Variants in BMP7 observed in about 807,000 individuals in gnomAD.
BMP7 encodes the protein bone morphogenetic protein 7.
A neutral mutation model predicts 41.2 loss-of-function variants in BMP7; 12 were observed. The ratio of observed to expected loss-of-function variants is 0.29; its 90% CI spans 0.19 to 0.47. The LOEUF is 0.47. Ranked by LOEUF, BMP7 falls within the 20% of genes least tolerant of loss-of-function variation. The pLI, the probability that BMP7 is intolerant of heterozygous loss-of-function variation, is 0.99. For synonymous variants in BMP7, 248 were observed against 250.0 expected (o/e 0.99, Z 0.07); for missense variants, 467 against 606.0 (o/e 0.77, Z 2.41).
chr20:57,264,354 C>T (rs1202526273), intron 1 of BMP7, among the ~76,000 whole-genome samples: 1 of 152,194 alleles, frequency 6.6e-6, no homozygotes, highest in Non-Finnish European at 1.5e-5. Flanking sequence ...TGACTTGGTT[C>T]GGGTTTTCGC....
chr20:57,176,202 A>G (rs1568702583), intron 4 of BMP7, among the ~76,000 whole-genome samples: 2 of 152,186 alleles, frequency 1.3e-5, no homozygotes, highest in African/African-American at 4.8e-5. Context: ...GCAAAAAATA[A>G]TGAAGCCCCC....
chr20:57,192,232 A>T (rs1319673124), intron 3 of BMP7, among the ~76,000 whole-genome samples: 1 of 127,286 alleles, frequency 7.9e-6, no homozygotes, highest in Non-Finnish European at 1.6e-5. Flanking sequence ...ATTATATTAT[A>T]TAATAGTATA....
At chr20:57,206,063 A>C (rs574584411) in intron 2 of BMP7, among the ~76,000 whole-genome samples, 1 of 152,326 alleles carries the variant, frequency 6.6e-6, no homozygotes, top group South Asian at 2.1e-4. Flanking sequence ...GTCCAGTCTG[A>C]CAGCTCGGAG....
intron 1 of BMP7, among the ~76,000 whole-genome samples, chr20:57,229,673 G>C (rs1195457189): frequency 6.6e-6 from 1 of 152,194 alleles, no homozygotes; most frequent in Non-Finnish European, 1.5e-5. Context: ...CCTGTCTGGG[G>C]GTGGGGAACT....
chr20:57,238,457 G>A (rs1478092798), intron 1 of BMP7, among the ~76,000 whole-genome samples: 1 of 152,120 alleles, frequency 6.6e-6, no homozygotes, highest in Non-Finnish European at 1.5e-5. Flanking sequence ...AAATCTTTCA[G>A]GGACATACCC....
At chr20:57,223,936 G>A (rs78445648) in intron 2 of BMP7, among the ~76,000 whole-genome samples, 1,859 of 152,306 alleles carry the variant, frequency 0.012, 18 homozygotes, top group African/African-American at 0.022. Context: ...CCCACTGCCC[G>A]AGGGCCGCCC....
intron 2 of BMP7, among the ~76,000 whole-genome samples, chr20:57,210,765 G>T (rs1984860562): frequency 6.6e-6 from 1 of 152,252 alleles, no homozygotes; most frequent in African/African-American, 2.4e-5. Context: ...CACCATCGGG[G>T]CTCCTTCAGC....
rs1984982693 is a variant in BMP7, at chr20:57,215,163, A to G, written c.612-12540T>C. The stretch of plus-strand genomic sequence containing the variant: ...TCCTAGTTGAAGGGAAACCCTCATC[A>G]GCCCCTGGGCACCTCCATACCCCCC... On this transcript the variant is annotated intron_variant, in intron 2 of 6. Transcript: ENST00000395863. The surrounding 1 kb of genome is among the most constrained non-coding windows in gnomAD (Gnocchi z 4.2). Among the ~76,000 whole-genome samples the G allele has an allele frequency of 6.6e-6, 1 of 152,102 alleles. No individual in the cohort carries two copies. Among genetic ancestry groups the G allele is most frequent in the Non-Finnish European group, 1.5e-5 (1 of 68,012 alleles).
chr20:57,256,156 A>G (rs572038198), intron 1 of BMP7, among the ~76,000 whole-genome samples: 7 of 152,326 alleles, frequency 4.6e-5, no homozygotes, highest in Non-Finnish European at 8.8e-5. Flanking sequence ...GAAGCGCAAG[A>G]TGGGAGGAGG....
Position 57,230,722 on chromosome 20 carries a change from G to C in BMP7, c.419-2301C>G, listed in dbSNP as rs6064516. Among the ~76,000 whole-genome samples the C allele has an allele frequency of 4.0e-3, 603 of 150,628 alleles. 3 individuals carry two copies. The highest frequency in any genetic ancestry group is 0.01 in the Middle Eastern group (3 of 294). ...GACAGAGTCTCGCTCTGTCACCCAGGCTGGAGTGCAGTGGCGCGATCTCGG... is the reference window on the plus strand; with the variant it reads ...GACAGAGTCTCGCTCTGTCACCCAGCCTGGAGTGCAGTGGCGCGATCTCGG... On this transcript the variant is annotated intron_variant, in intron 1 of 6. Transcript: ENST00000395863.
intron 1 of BMP7, among the ~76,000 whole-genome samples, chr20:57,234,827 T>C (rs465840): frequency 0.17 from 25,790 of 152,218 alleles, 2,528 homozygotes; most frequent in East Asian, 0.33. Context: ...CAGGGCCTCA[T>C]AAATCTTCTG....
chr20:57,189,705 T>C (rs1368907976), intron 3 of BMP7, among the ~76,000 whole-genome samples: 1 of 152,274 alleles, frequency 6.6e-6, no homozygotes, highest in Non-Finnish European at 1.5e-5. Context: ...CTTTGCCTCG[T>C]CCTCCTCTCC....
chr20:57,234,934 C>T (rs1429204311), intron 1 of BMP7, among the ~76,000 whole-genome samples: 1 of 152,248 alleles, frequency 6.6e-6, no homozygotes. Context: ...CAAGCATTCA[C>T]GAAGTGTGAT....
At chr20:57,245,283 A>G (rs2066085441) in intron 1 of BMP7, among the ~76,000 whole-genome samples, 1 of 152,078 alleles carries the variant, frequency 6.6e-6, no homozygotes, top group Non-Finnish European at 1.5e-5. Context: ...TGTCCTTTAA[A>G]CCTCTTTCCG....
intron 4 of BMP7, chr20:57,178,161 G>A (rs1438860351): frequency 6.6e-6 from 1 of 152,382 alleles, no homozygotes; most frequent in Non-Finnish European, 1.5e-5. Context: ...ATAGGAGGGT[G>A]GGGAGGCATC....
chr20:57,216,563 C>T (rs955943323), intron 2 of BMP7, among the ~76,000 whole-genome samples: 63 of 147,342 alleles, frequency 4.3e-4, no homozygotes, highest in Non-Finnish European at 6.6e-4. Context: ...GGGCTGTCTC[C>T]TGAGGGTGAG....
intron 2 of BMP7, among the ~76,000 whole-genome samples, chr20:57,209,255 A>ATATATATATATT (rs1245164243): frequency 9.5e-6 from 1 of 105,142 alleles, no homozygotes; most frequent in African/African-American, 9.1e-5. Context: ...ATTTTTATAT[A>ATATATATATATT]TATATATATA....
At chr20:57,207,043 A>G (rs956076222) in intron 2 of BMP7, among the ~76,000 whole-genome samples, 2 of 152,214 alleles carry the variant, frequency 1.3e-5, no homozygotes, top group African/African-American at 4.8e-5. Flanking sequence ...CTGCTGTCCC[A>G]TAAACTTGTG....
intron 3 of BMP7, among the ~76,000 whole-genome samples, chr20:57,196,994 C>T (rs572236983): frequency 1.6e-4 from 25 of 151,940 alleles, no homozygotes; most frequent in Admixed American, 1.0e-3. Context: ...CTCCACCTCC[C>T]GGGTTCAAGT....
Sources: gnomAD v4.1 joint callset for allele counts (sites outside exome capture counted in the v4.1 genomes callset) on GRCh38, gnomAD v4.1.1 for gene constraint, Gnocchi (gnomAD v3.1) non-coding constraint, MANE v1.5 for transcripts, NCBI Gene and HGNC (gene_info 2026-07-23, HGNC 2026-07-21) for gene names.